The following DHCR24 variants were observed in gnomAD, a reference collection of about 807,000 sequenced individuals.
DHCR24 encodes delta(24)-sterol reductase.
A neutral mutation model predicts 61.2 loss-of-function variants in DHCR24; 28 were observed. The observed-to-expected ratio is 0.46, with a 90% CI of 0.34 to 0.63. DHCR24 has a LOEUF of 0.63. Ranked by LOEUF, DHCR24 falls within the 20% of genes least tolerant of loss-of-function variation. DHCR24 has a pLI of 0.01. For missense variants in DHCR24, 538 were observed against 679.1 expected, an observed-to-expected ratio of 0.79 and a Z score of 2.31; for synonymous variants, 261 against 275.9, an observed-to-expected ratio of 0.95 and a Z score of 0.54.
intron 2 of DHCR24, among the ~76,000 whole-genome samples, chr1:54,877,884 G>A (rs1647042023): frequency 1.3e-5 from 2 of 151,542 alleles, no homozygotes; most frequent in African/African-American, 2.4e-5. Context: ...GGTGGCAAGC[G>A]CCTGTAATCC....
intron 6 of DHCR24, among the ~76,000 whole-genome samples, chr1:54,862,873 G>A (rs1200230644): frequency 1.3e-5 from 2 of 151,940 alleles, no homozygotes; most frequent in South Asian, 2.1e-4. Context: ...TCAGGAGATC[G>A]AGACCATCCT....
intron 6 of DHCR24, among the ~76,000 whole-genome samples, chr1:54,857,650 A>T (rs1202215553): frequency 2.6e-5 from 4 of 152,286 alleles, no homozygotes; most frequent in African/African-American, 9.6e-5. Context: ...AACAGTGAAC[A>T]GTAAAATTCA....
intron 6 of DHCR24, among the ~76,000 whole-genome samples, chr1:54,857,839 C>T (rs1045398608): frequency 6.6e-6 from 1 of 152,188 alleles, no homozygotes; most frequent in Admixed American, 6.5e-5. Context: ...CCGCGTGTTG[C>T]TGATTGACCA....
intron 1 of DHCR24, 92 bp downstream of exon 1, chr1:54,886,797 C>T: frequency 6.5e-7 from 1 of 1,548,332 alleles, no homozygotes; most frequent in South Asian, 1.2e-5. Flanking sequence ...TGGCCGCCCC[C>T]GCACCGCAGC....
intron 5 of DHCR24, among the ~76,000 whole-genome samples, chr1:54,866,648 A>C (rs1036240630): frequency 6.9e-6 from 1 of 145,894 alleles, no homozygotes; most frequent in Non-Finnish European, 1.5e-5. Flanking sequence ...GTCCCCACCC[A>C]TTCCCTTGTT....
intron 2 of DHCR24, among the ~76,000 whole-genome samples, chr1:54,881,936 A>G (rs913069564): frequency 2.6e-5 from 4 of 152,164 alleles, no homozygotes; most frequent in African/African-American, 7.2e-5. Flanking sequence ...GAACACATGG[A>G]CACATACAGG....
chr1:54,886,866 C>T (rs758753365), intron 1 of DHCR24, 23 bp downstream of exon 1: 1 of 1,609,088 alleles, frequency 6.2e-7, no homozygotes, highest in Admixed American at 1.7e-5. Context: ...CCCTGAGTCC[C>T]GGCCGCACCC....
chr1:54,883,584 C>T lies in DHCR24; in HGVS notation c.387+34G>A. On this transcript the variant is annotated intron_variant, in intron 2 of 8. Coordinates refer to ENST00000371269, the MANE Select transcript of DHCR24 (RefSeq NM_014762.4). The surrounding 1 kb of genome is among the most constrained non-coding windows in gnomAD (Gnocchi z 4.3). ...ACTTGCACCAGGGGCAGTGCCCCAC[C>T]TGCTCCCAGAGCCCGGAAAAGTGCT... 6 of 1,614,022 alleles carry T rather than the reference C, an allele frequency of 3.7e-6. No individual in the cohort carries two copies. The highest frequency in any genetic ancestry group is 2.2e-5 in the East Asian group (1 of 44,892).
intron 5 of DHCR24, among the ~76,000 whole-genome samples, chr1:54,869,060 T>C (rs1646982921): frequency 6.6e-6 from 1 of 152,098 alleles, no homozygotes; most frequent in Non-Finnish European, 1.5e-5. Flanking sequence ...GAGTGAGACC[T>C]TGTCTCAAAA....
chr1:54,884,272 A>T (rs920716506), intron 1 of DHCR24, among the ~76,000 whole-genome samples: 1 of 152,240 alleles, frequency 6.6e-6, no homozygotes, highest in African/African-American at 2.4e-5. Context: ...TGAGATTCAT[A>T]GCCAGGACTG....
Position 54,866,984 on chromosome 1 carries a change from G to A in DHCR24, c.877-1538C>T, listed in dbSNP as rs1362576421. ...CACATACCTGGCAGTGGCAGCAGCT[G>A]CATAATGAAAGTGAGACTTAGGGCC... On this transcript the variant is annotated intron_variant, in intron 5 of 8. Transcript: ENST00000371269. Among the ~76,000 whole-genome samples the A allele has an allele frequency of 3.3e-5, 5 of 152,334 alleles. No individual in the cohort carries two copies. The East Asian group carries it at 9.7e-4, about 29-fold the overall frequency.
In DHCR24 at chr1:54,886,912, G is replaced by A. The variant is rs770197317; in HGVS notation, c.208C>T (p.Arg70Cys). ...LSSAPRLHEQRVRDIQKQVRE... is the reference protein window; with the variant it reads ...LSSAPRLHEQCVRDIQKQVRE... ...ACCTGCTTCTGGATGTCCCGCACGC[G>A]CTGCTCGTGCAGGCGCGGAGCGCTG... is the stretch of plus-strand genomic sequence containing the variant. The change falls in exon 1 of 9, where the codon CGC becomes TGC. Residue 70 changes from arginine (R) to cysteine (C), a missense_variant. By Grantham distance (180) the Arg-to-Cys change is radical. Coordinates refer to ENST00000371269, the MANE Select transcript of DHCR24 (RefSeq NM_014762.4). The A allele has an allele frequency of 3.7e-6, 6 of 1,613,078 alleles. No individual in the cohort carries two copies. Among genetic ancestry groups the A allele is most frequent in the Non-Finnish European group, 5.1e-6 (6 of 1,179,582 alleles).
Position 54,852,254 on chromosome 1 carries a change from G to GATCT in DHCR24, c.1526_1529dup (p.Cys511AspfsTer78). ...CAGCTCAGTGCCTGGCGGCCTTGCA[G>GATCT]ATCTTGTCGTACACCTCGGGGAAGG... On this transcript the variant is annotated frameshift_variant, in exon 9 of 9. Coordinates refer to ENST00000371269, the MANE Select transcript of DHCR24 (RefSeq NM_014762.4). LOFTEE classifies it high-confidence loss of function. The GATCT allele has an allele frequency of 2.5e-6, 4 of 1,614,240 alleles. No individual in the cohort carries two copies. Among genetic ancestry groups the GATCT allele is most frequent in the Non-Finnish European group, 3.4e-6 (4 of 1,180,048 alleles).
chr1:54,866,609 T>C (rs1259014976), intron 5 of DHCR24, among the ~76,000 whole-genome samples: 1 of 152,228 alleles, frequency 6.6e-6, no homozygotes, highest in Non-Finnish European at 1.5e-5. Context: ...CCAAGCACGG[T>C]GCCTGGTCCA....
intron 1 of DHCR24, 26 bp downstream of exon 1, chr1:54,886,863 T>G (rs1477326416): frequency 1.9e-6 from 3 of 1,606,044 alleles, no homozygotes; most frequent in South Asian, 1.1e-5. Context: ...CGGCCCTGAG[T>G]CCCGGCCGCA....
chr1:54,854,450 C>T (rs183374029), intron 6 of DHCR24, among the ~76,000 whole-genome samples: 5 of 152,274 alleles, frequency 3.3e-5, no homozygotes, highest in East Asian at 3.9e-4. Context: ...GTGATGACCC[C>T]GGGCTAGTTA....
At chr1:54,875,286 G>T (rs1395539684) in intron 3 of DHCR24, 75 bp from the exon 4 acceptor site, 7 of 1,343,042 alleles carry the variant, frequency 5.2e-6, no homozygotes, top group South Asian at 3.5e-5. Context: ...GAGCTGGGGG[G>T]CCTCCTAGCA....
chr1:54,856,872 C>A (rs1646910721), intron 6 of DHCR24, among the ~76,000 whole-genome samples: 1 of 152,180 alleles, frequency 6.6e-6, no homozygotes, highest in Non-Finnish European at 1.5e-5. Context: ...ATGTAGAACA[C>A]TGTTTCCCTT....
In DHCR24 at chr1:54,853,571, C is replaced by A. The variant is rs755904861; in HGVS notation, c.1260G>T (p.Gln420His). 6.2e-7 allele frequency: 1 copy of A among 1,614,076 alleles called. No individual in the cohort carries two copies. The highest frequency in any genetic ancestry group is 8.5e-7 in the Non-Finnish European group (1 of 1,179,994). The change falls in exon 8 of 9, where the codon CAG becomes CAT. Residue 420 changes from glutamine (Q) to histidine (H), a missense_variant. By Grantham distance (24) the Gln-to-His change is conservative. Transcript: ENST00000371269. Reference sequence around the variant, plus strand: ...TTCCTTTGGGGTGCACTAGGCCTGGCTGGCTGGGCAGGATGAACGGACACA... The same window carrying A: ...TTCCTTTGGGGTGCACTAGGCCTGGATGGCTGGGCAGGATGAACGGACACA... Reference protein sequence around the residue: ...IWLCPFILPSQPGLVHPKGNE... With the variant: ...IWLCPFILPSHPGLVHPKGNE...
Sources: gnomAD v4.1 joint callset for allele counts (sites outside exome capture counted in the v4.1 genomes callset) on GRCh38, gnomAD v4.1.1 for gene constraint, Gnocchi (gnomAD v3.1) non-coding constraint, MANE v1.5 for transcripts, NCBI Gene and HGNC (gene_info 2026-07-23, HGNC 2026-07-21) for gene names.